The following HDGFL3 variants were observed in gnomAD, a reference collection of about 807,000 sequenced individuals.
HDGFL3 encodes hepatoma-derived growth factor-related protein 3.
HDGFL3 carries 6 observed loss-of-function variants against 27.6 expected under a neutral mutation model. That is an observed-to-expected ratio of 0.22 (90% confidence interval 0.12 to 0.43). HDGFL3 has a LOEUF of 0.43. HDGFL3 is among the 20% of genes least tolerant of loss of function. HDGFL3 has a pLI of 1.00. For synonymous variants in HDGFL3, 88 were observed against 88.9 expected, an observed-to-expected ratio of 0.99 and a Z score of 0.05; for missense variants, 207 against 250.1, an observed-to-expected ratio of 0.83 and a Z score of 1.16.
At chr15:83,146,861 A>C (rs2036902493) in intron 5 of HDGFL3, among the ~76,000 whole-genome samples, 1 of 152,090 alleles carries the variant, frequency 6.6e-6, no homozygotes, top group African/African-American at 2.4e-5. Flanking sequence ...TCTCTCTTGA[A>C]TCTTCCAACA....
At chr15:83,183,363 TA>T (rs1268223341) in intron 1 of HDGFL3, among the ~76,000 whole-genome samples, 1 of 151,888 alleles carries the variant, frequency 6.6e-6, no homozygotes. Flanking sequence ...AAATTATTGC[TA>T]AATAATTGGA....
chr15:83,177,510 GAC>G (rs1418299073), intron 1 of HDGFL3, among the ~76,000 whole-genome samples: 6 of 152,130 alleles, frequency 3.9e-5, no homozygotes, highest in African/African-American at 9.7e-5. Flanking sequence ...ACTTCAAATT[GAC>G]ACACTTTTAA....
rs1445331676 is a variant in HDGFL3 at position 83,134,706 on chromosome 15, A to AT, written c.*4563dup. On this transcript the variant is annotated 3_prime_UTR_variant, in exon 6 of 6. Coordinates refer to ENST00000299633, the MANE Select transcript of HDGFL3 (RefSeq NM_016073.4). ...GGTTGGCATTTCCCCAAATTTGGTG[A>AT]TTTTGTGATGTGTACAAGTATCTAT... 1.3e-5 allele frequency: 2 copies of AT among 152,236 alleles called. No homozygotes were observed. Among genetic ancestry groups the AT allele is most frequent in the African/African-American group, 4.8e-5 (2 of 41,452 alleles). The allele number at this position is 152,236 out of a possible 1,614,324, so 9.4% of individuals were successfully genotyped here.
downstream of HDGFL3, among the ~76,000 whole-genome samples, chr15:83,124,409 GTCATT>G (rs1453916698): frequency 1.3e-5 from 2 of 152,094 alleles, no homozygotes; most frequent in African/African-American, 4.8e-5. Context: ...TCATTAAAAT[GTCATT>G]TCAAGAAAAA....
chr15:83,142,996 A>T (rs1322809537), intron 5 of HDGFL3, among the ~76,000 whole-genome samples: 7 of 152,110 alleles, frequency 4.6e-5, no homozygotes, highest in Non-Finnish European at 1.0e-4. Flanking sequence ...CACATATATA[A>T]ACAAAGCTCT....
At chr15:83,159,265 GA>G (rs922167306) in intron 2 of HDGFL3, among the ~76,000 whole-genome samples, 5 of 151,124 alleles carry the variant, frequency 3.3e-5, no homozygotes, top group Non-Finnish European at 5.9e-5. Context: ...TCACAACCAA[GA>G]AAAAAAAAGA....
Position 83,157,687 on chromosome 15 carries a change from T to A in HDGFL3, c.301-114A>T, listed in dbSNP as rs1342724303. ...AAGGGTTCCGCTTACTCGGAAGATTTTCAAAAACAAAGGGCTGTCAAACTG... is the reference window on the plus strand; with the variant it reads ...AAGGGTTCCGCTTACTCGGAAGATTATCAAAAACAAAGGGCTGTCAAACTG... On this transcript the variant is annotated intron_variant, in intron 3 of 5. Transcript: ENST00000299633. 8.7e-6 allele frequency: 10 copies of A among 1,144,132 alleles called. No homozygotes were observed. The East Asian group carries it at 2.5e-4, about 29-fold the overall frequency. 70.9% of individuals were successfully genotyped at this position (1,144,132 alleles called of 1,614,324 possible). A position where few individuals can be genotyped will look rare whatever the true frequency, so the allele number is the denominator to read the frequency against.
exon 4 of HDGFL3, chr15:83,113,722 T>C (rs1040549369): frequency 6.5e-6 from 1 of 152,740 alleles, no homozygotes; most frequent in African/African-American, 2.4e-5. Context: ...TCCTTGTTCT[T>C]GGACCAGCAG....
intron 1 of HDGFL3, among the ~76,000 whole-genome samples, chr15:83,206,491 A>C (rs1422868704): frequency 2.0e-5 from 3 of 152,242 alleles, no homozygotes; most frequent in African/African-American, 7.2e-5. Context: ...GAGCTTAATA[A>C]AAATTGTGAA....
chr15:83,161,470 G>A (rs1252047147), intron 2 of HDGFL3, among the ~76,000 whole-genome samples: 1 of 152,132 alleles, frequency 6.6e-6, no homozygotes, highest in Non-Finnish European at 1.5e-5. Flanking sequence ...TGCCTATACT[G>A]TAATAATGCC....
intron 3 of HDGFL3, chr15:83,119,829 ATCC>A (rs1302912397): frequency 3.2e-5 from 42 of 1,292,322 alleles, no homozygotes; most frequent in Non-Finnish European, 2.8e-5. Flanking sequence ...ACGTGGCTTT[ATCC>A]TCCTTGTACC....
chr15:83,124,072 A>T (rs2035510957), downstream of HDGFL3, among the ~76,000 whole-genome samples: 1 of 152,224 alleles, frequency 6.6e-6, no homozygotes, highest in Non-Finnish European at 1.5e-5. Context: ...ACAGTGAAAA[A>T]TGCCTAAATA....
At chr15:83,200,403 G>GTCCCC in intron 1 of HDGFL3, among the ~76,000 whole-genome samples, 1 of 151,954 alleles carries the variant, frequency 6.6e-6, no homozygotes, top group East Asian at 1.9e-4. Context: ...GTAACAATGG[G>GTCCCC]AAGTCCCCAA....
chr15:83,141,697 C>T (rs1231370371), intron 5 of HDGFL3, among the ~76,000 whole-genome samples: 2 of 152,140 alleles, frequency 1.3e-5, no homozygotes, highest in Non-Finnish European at 2.9e-5. Flanking sequence ...TATCCTCCTG[C>T]CTCAGCCTAT....
At chr15:83,202,631 C>G (rs1596571962) in intron 1 of HDGFL3, among the ~76,000 whole-genome samples, 2 of 152,208 alleles carry the variant, frequency 1.3e-5, no homozygotes, top group African/African-American at 4.8e-5. Flanking sequence ...TTCTCCCTAA[C>G]TCATATAAAA....
intron 3 of HDGFL3, among the ~76,000 whole-genome samples, chr15:83,121,605 C>T (rs1465997567): frequency 6.6e-6 from 1 of 152,126 alleles, no homozygotes; most frequent in African/African-American, 2.4e-5. Context: ...TTTTTCCTTT[C>T]ATGCTGTTGA....
intron 1 of HDGFL3, among the ~76,000 whole-genome samples, 197 bp from the exon 2 acceptor site, chr15:83,164,272 T>C (rs187526560): frequency 6.2e-4 from 90 of 145,710 alleles, no homozygotes; most frequent in African/African-American, 2.3e-3. Context: ...TTACAACCAT[T>C]ATAATAATTT....
At chr15:83,148,777 A>C (rs1257253169) in intron 5 of HDGFL3, among the ~76,000 whole-genome samples, 1 of 152,188 alleles carries the variant, frequency 6.6e-6, no homozygotes, top group African/African-American at 2.4e-5. Context: ...CACATGAAGG[A>C]ATCTTGGGAA....
At chr15:83,139,806 TAAAG>T (rs1470928532) in intron 5 of HDGFL3, among the ~76,000 whole-genome samples, 1 of 152,176 alleles carries the variant, frequency 6.6e-6, no homozygotes, top group Non-Finnish European at 1.5e-5. Context: ...AAAAAAAACA[TAAAG>T]AATAAGAGGA....
Sources: gnomAD v4.1 joint callset for allele counts (sites outside exome capture counted in the v4.1 genomes callset) on GRCh38, gnomAD v4.1.1 for gene constraint, MANE v1.5 for transcripts, NCBI Gene and HGNC (gene_info 2026-07-23, HGNC 2026-07-21) for gene names.